The following IRAG1 variants were observed in gnomAD, a reference collection of about 807,000 sequenced individuals.
IRAG1 encodes IP3R-associated cGMP kinase substrate.
In IRAG1, 62 loss-of-function variants were observed where a neutral mutation model predicts 106.2. The observed-to-expected ratio is 0.58, with a 90% CI of 0.48 to 0.72. The LOEUF is 0.72. Ranked by LOEUF, IRAG1 falls within the 30% of genes least tolerant of loss-of-function variation. The probability of loss-of-function intolerance (pLI) is 0.00; values close to 1 mark genes in which losing one functional copy is unlikely to be tolerated. For missense variants in IRAG1, 1,064 were observed against 1,140.7 expected (o/e 0.93, Z 0.97); for synonymous variants, 462 against 443.9 (o/e 1.04, Z -0.51).
chr11:10,624,626 A>C (rs866909475), intron 9 of IRAG1, among the ~76,000 whole-genome samples: 4 of 151,100 alleles, frequency 2.6e-5, no homozygotes, highest in South Asian at 2.1e-4. Context: ...AGAAGGGAGG[A>C]AAGGAAGGGG....
chr11:10,662,177 C>A (rs1308676047), intron 1 of IRAG1, among the ~76,000 whole-genome samples: 2 of 152,110 alleles, frequency 1.3e-5, no homozygotes, highest in Admixed American at 1.3e-4. Flanking sequence ...GAGATCAAGG[C>A]GGGTGGATCA....
At chr11:10,587,924 T>C (rs1172684661) in intron 18 of IRAG1, among the ~76,000 whole-genome samples, 3 of 152,244 alleles carry the variant, frequency 2.0e-5, no homozygotes, top group Non-Finnish European at 4.4e-5. Context: ...CAAGTGACGA[T>C]TTCTCTGAGC....
chr11:10,610,167 T>C (rs1854823801), intron 10 of IRAG1, among the ~76,000 whole-genome samples: 1 of 152,260 alleles, frequency 6.6e-6, no homozygotes, highest in Admixed American at 6.5e-5. Context: ...AGCTGGCAAT[T>C]GGAAGCTGGT....
intron 2 of IRAG1, among the ~76,000 whole-genome samples, 184 bp from the exon 3 acceptor site, chr11:10,634,255 T>A (rs1008195341): frequency 1.3e-5 from 2 of 152,222 alleles, no homozygotes; most frequent in African/African-American, 4.8e-5. Context: ...ATTGTATATA[T>A]TCAAGGCACA....
At chr11:10,651,117 G>A (rs1482864487) in intron 2 of IRAG1, among the ~76,000 whole-genome samples, 1 of 152,188 alleles carries the variant, frequency 6.6e-6, no homozygotes, top group African/African-American at 2.4e-5. Context: ...CAAATCAACT[G>A]CAAAGTTCAT....
chr11:10,667,907 C>T (rs881869), intron 1 of IRAG1, among the ~76,000 whole-genome samples: 1 of 152,076 alleles, frequency 6.6e-6, no homozygotes, highest in African/African-American at 2.4e-5. Flanking sequence ...GAGAAGCCCT[C>T]GTCCACAGAT....
rs183625231 is a variant in IRAG1 at position 10,628,600 on chromosome 11, C to G, written c.652+151G>C. The G allele has an allele frequency of 9.1e-6, 6 of 657,194 alleles. No individual in the cohort carries two copies. The highest frequency in any genetic ancestry group is 1.5e-5 in the Non-Finnish European group (6 of 404,814). The allele number at this position is 657,194 out of a possible 1,614,324, so 40.7% of individuals were successfully genotyped here. On this transcript the variant is annotated intron_variant, in intron 6 of 20. Transcript: ENST00000423302. The surrounding 1 kb of genome is among the most constrained non-coding windows in gnomAD (Gnocchi z 4.1). Reference sequence around the variant, plus strand: ...TCTGGGTGGCCCAGCAAATGCCCCCCCTGGAGAGGGGTCTTGCTCTGGGTG... The same window carrying G: ...TCTGGGTGGCCCAGCAAATGCCCCCGCTGGAGAGGGGTCTTGCTCTGGGTG...
chr11:10,634,202 CT>C, intron 2 of IRAG1, 131 bp from the exon 3 acceptor site: 1 of 501,540 alleles, frequency 2.0e-6, no homozygotes. Context: ...GCAGTTTACT[CT>C]TTATTCCCCC....
Position 10,576,126 on chromosome 11 carries a change from C to T in IRAG1, c.*206G>A. On this transcript the variant is annotated 3_prime_UTR_variant, in exon 21 of 21. Coordinates refer to ENST00000423302, the MANE Select transcript of IRAG1 (RefSeq NM_130385.4). ...ACTTCTTCATCCACTGGATGCTTTC[C>T]CAGGGCAGTTTTGTTGATCCTCCAA... 1.6e-6 allele frequency: 1 copy of T among 630,744 alleles called. No individual in the cohort carries two copies. The highest frequency in any genetic ancestry group is 2.7e-6 in the Non-Finnish European group (1 of 373,820). 39.1% of individuals were successfully genotyped at this position (630,744 alleles called of 1,614,324 possible). A position where few individuals can be genotyped will look rare whatever the true frequency, so the allele number is the denominator to read the frequency against.
Position 10,607,816 on chromosome 11 carries a change from C to A in IRAG1, c.1572-1044G>T, listed in dbSNP as rs181958378. Among the ~76,000 whole-genome samples the A allele has an allele frequency of 2.9e-3, 448 of 152,276 alleles. 4 individuals are homozygous for A. Among genetic ancestry groups the A allele is most frequent in the African/African-American group, 0.01 (432 of 41,546 alleles). ...GTGCCTTCCTGTCAGGATGAGAAGA[C>A]CCCATGGCCATGAAGTCAGCGGAGT... is the stretch of plus-strand genomic sequence containing the variant. On this transcript the variant is annotated intron_variant, in intron 11 of 20. Transcript: ENST00000423302.
chr11:10,647,482 TG>T lies in IRAG1; in HGVS notation c.225+4542del, dbSNP rs1858055894. Among the ~76,000 whole-genome samples the T allele has an allele frequency of 6.6e-6, 1 of 152,138 alleles. No homozygotes were observed. On this transcript the variant is annotated intron_variant, in intron 2 of 20. Transcript: ENST00000423302. The surrounding 1 kb of genome is among the most constrained non-coding windows in gnomAD (Gnocchi z 4.3). Reference sequence around the variant, plus strand: ...AACAGGGGAGGTGGTAGCTGGGTGCTGGAATGGGTGATATGAAGAGGTGAAG... The same window carrying T: ...AACAGGGGAGGTGGTAGCTGGGTGCTGAATGGGTGATATGAAGAGGTGAAG...
chr11:10,670,129 A>G (rs906885418), intron 1 of IRAG1, among the ~76,000 whole-genome samples: 3 of 152,256 alleles, frequency 2.0e-5, no homozygotes, highest in African/African-American at 7.2e-5. Flanking sequence ...GAGTAGCTAC[A>G]TCTTGAGCTT....
chr11:10,584,418 C>A (rs1265614305), intron 18 of IRAG1, among the ~76,000 whole-genome samples: 1 of 151,732 alleles, frequency 6.6e-6, no homozygotes. Context: ...TCTCCTTTTG[C>A]AAATTACATT....
chr11:10,627,499 A>G (rs1487073303), intron 8 of IRAG1, among the ~76,000 whole-genome samples: 1 of 152,012 alleles, frequency 6.6e-6, no homozygotes, highest in African/African-American at 2.4e-5. Flanking sequence ...TATTGCCTCC[A>G]CGGAGTTCAC....
intron 10 of IRAG1, among the ~76,000 whole-genome samples, chr11:10,611,245 T>C (rs1854933688): frequency 6.6e-6 from 1 of 152,224 alleles, no homozygotes; most frequent in Non-Finnish European, 1.5e-5. Context: ...GAGATTCAAC[T>C]AGAAGTTCTC....
chr11:10,654,941 A>G (rs1412533233), intron 1 of IRAG1, among the ~76,000 whole-genome samples: 1 of 152,210 alleles, frequency 6.6e-6, no homozygotes, highest in Non-Finnish European at 1.5e-5. Context: ...TTCTTACTGT[A>G]TGAATAAACT....
rs767976588 is a variant in IRAG1 at position 10,609,819 on chromosome 11, C to T, written c.1480G>A (p.Glu494Lys). 1.2e-6 allele frequency: 2 copies of T among 1,613,950 alleles called. No individual in the cohort carries two copies. The highest frequency in any genetic ancestry group is 1.7e-5 in the Admixed American group (1 of 60,020). The change falls in exon 11 of 21, where the codon GAA becomes AAA. Residue 494 changes from glutamate to lysine, a missense_variant. By Grantham distance (56) the Glu-to-Lys change is moderately conservative. Transcript: ENST00000423302. ...LPSELSPAIE[E>K]EESKSGLDVM... ...TCTAAGCCACTCTTTGACTCTTCTT[C>T]CTCAATAGCTGGGGAGAGTTCAGAA...
intron 8 of IRAG1, 91 bp downstream of exon 8, chr11:10,627,625 A>G (rs1856352357): frequency 7.1e-7 from 1 of 1,415,578 alleles, no homozygotes; most frequent in Non-Finnish European, 1.0e-6. Context: ...ATGCACACAC[A>G]CTTGAAGGCT....
intron 10 of IRAG1, chr11:10,617,294 T>A: frequency 1.6e-6 from 1 of 623,916 alleles, no homozygotes; most frequent in Non-Finnish European, 2.0e-6. Flanking sequence ...CTTACAATAG[T>A]ACTGCAAATA....
Sources: gnomAD v4.1 joint callset for allele counts (sites outside exome capture counted in the v4.1 genomes callset) on GRCh38, gnomAD v4.1.1 for gene constraint, Gnocchi (gnomAD v3.1) non-coding constraint, MANE v1.5 for transcripts, NCBI Gene and HGNC (gene_info 2026-07-23, HGNC 2026-07-21) for gene names.